RNF146: variants seen among roughly 807,000 people sequenced by gnomAD.
The protein encoded by RNF146 is ring finger protein 146.
A neutral mutation model predicts 29.7 loss-of-function variants in RNF146; 11 were observed. That is an observed-to-expected ratio of 0.37 (90% confidence interval 0.23 to 0.61). The LOEUF is 0.61. RNF146 is among the 20% of genes least tolerant of loss of function. The probability of loss-of-function intolerance (pLI) is 0.66; values close to 1 mark genes in which losing one functional copy is unlikely to be tolerated. For synonymous variants in RNF146, 150 were observed against 159.7 expected (o/e 0.94, Z 0.46); for missense variants, 342 against 438.9 (o/e 0.78, Z 1.97).
chr6:127,286,045 T>C lies in RNF146; in HGVS notation c.3-571T>C. 2.4e-6 allele frequency: 3 copies of C among 1,228,372 alleles called. No homozygotes were observed. The highest frequency in any genetic ancestry group is 3.0e-6 in the Non-Finnish European group (3 of 985,478). The allele number at this position is 1,228,372 out of a possible 1,614,324, so 76.1% of individuals were successfully genotyped here. ...TGACAAATCTTTTTTCTTCTTCCTC[T>C]TCAGGGGATCTTCAATATTCATGTT... On this transcript the variant is annotated intron_variant, in intron 2 of 2. Transcript: ENST00000368314. This position sits in a 1 kb window ranked among gnomAD's most constrained non-coding sequence, Gnocchi z 4.6.
In RNF146 at chr6:127,288,271, G is replaced by C. The variant is rs995011031; in HGVS notation, c.*578G>C. 6.0e-6 allele frequency: 1 copy of C among 166,840 alleles called. No individual in the cohort carries two copies. Among genetic ancestry groups the C allele is most frequent in the African/African-American group, 2.4e-5 (1 of 41,418 alleles). The allele number at this position is 166,840 out of a possible 1,614,324, so 10.3% of individuals were successfully genotyped here. A position where few individuals can be genotyped will look rare whatever the true frequency, so the allele number is the denominator to read the frequency against. ...TCATGGTGTTCCCATAGGCTTTGCTGTCTAGTCTTATAGTTTGAGGTTTTT... is the reference window on the plus strand; with the variant it reads ...TCATGGTGTTCCCATAGGCTTTGCTCTCTAGTCTTATAGTTTGAGGTTTTT... On this transcript the variant is annotated 3_prime_UTR_variant, in exon 3 of 3. Coordinates refer to ENST00000368314, the MANE Select transcript of RNF146 (RefSeq NM_001242850.2).
At position 127,269,975 on chromosome 6, in the gene RNF146, AATTG is replaced by A. The variant is rs1777233507; in HGVS notation, c.-109+3053_-109+3056del. On this transcript the variant is annotated intron_variant, in intron 1 of 2. Coordinates refer to ENST00000368314, the MANE Select transcript of RNF146 (RefSeq NM_001242850.2). Reference sequence around the variant, plus strand: ...ATACAGTAAGTCTTCAAATATTTATAATTGATATTTGTCTTTGTTTTTATATGTA... The same window carrying A: ...ATACAGTAAGTCTTCAAATATTTATAATATTTGTCTTTGTTTTTATATGTA... 1.3e-5 allele frequency among the ~76,000 whole-genome samples: 2 copies of A among 152,116 alleles called. 1 individual carries two copies. The highest frequency in any genetic ancestry group is 4.1e-4 in the South Asian group (2 of 4,830).
In RNF146 at chr6:127,286,290, AT is replaced by A; in HGVS notation, c.3-325del. The stretch of plus-strand genomic sequence containing the variant: ...TGTCTAGCATTCATTTCACTGTATA[AT>A]AGCTGCCATGATTCAAGGTATCCTT... On this transcript the variant is annotated intron_variant, in intron 2 of 2. Transcript: ENST00000368314. This position sits in a 1 kb window ranked among gnomAD's most constrained non-coding sequence, Gnocchi z 4.6. The A allele has an allele frequency of 1.2e-6, 1 of 800,194 alleles. No homozygotes were observed. The highest frequency in any genetic ancestry group is 1.7e-6 in the Non-Finnish European group (1 of 583,186). The allele number at this position is 800,194 out of a possible 1,614,324, so 49.6% of individuals were successfully genotyped here.
At chr6:127,269,660 A>G (rs577022013) in intron 1 of RNF146, among the ~76,000 whole-genome samples, 108 of 152,290 alleles carry the variant, frequency 7.1e-4, no homozygotes, top group African/African-American at 2.6e-3. Context: ...GCTAATTTTT[A>G]GCAGGAGATG....
chr6:127,277,153 T>A (rs1778320464), intron 1 of RNF146, among the ~76,000 whole-genome samples: 1 of 151,928 alleles, frequency 6.6e-6, no homozygotes, highest in Non-Finnish European at 1.5e-5. Context: ...GAGAGCAGTT[T>A]TAGGGGATTA....
rs759088053 is a variant in RNF146, at chr6:127,280,316, C to T, written c.-23C>T. The T allele has an allele frequency of 6.5e-7, 1 of 1,546,734 alleles. No homozygotes were observed. Among genetic ancestry groups the T allele is most frequent in the Admixed American group, 2.0e-5 (1 of 50,850 alleles). On this transcript the variant is annotated 5_prime_UTR_variant, in exon 2 of 3. Transcript: ENST00000368314. ...GAAAATGCTTTATTTTTGTGGCAGG[C>T]ATCTGTGGGATCTGTAATAGAAATG...
intron 2 of RNF146, among the ~76,000 whole-genome samples, chr6:127,280,950 TTC>T (rs989544915): frequency 6.6e-6 from 1 of 151,748 alleles, no homozygotes; most frequent in Non-Finnish European, 1.5e-5. Flanking sequence ...ATGAATATAT[TTC>T]TGTTTTCTAA....
chr6:127,271,027 G>T (rs1271451250), intron 1 of RNF146, among the ~76,000 whole-genome samples: 2 of 152,040 alleles, frequency 1.3e-5, no homozygotes, highest in Non-Finnish European at 2.9e-5. Flanking sequence ...TGTTGGCCAG[G>T]ATGGTATTGA....
At position 127,286,444 on chromosome 6, in the gene RNF146, A is replaced by C. The variant is rs533726393; in HGVS notation, c.3-172A>C. ...TATGTACAAGTAGATGCTTACAAAA[A>C]ATTTTCATCGGTTGGAGAGTTTTTC... On this transcript the variant is annotated intron_variant, in intron 2 of 2. Coordinates refer to ENST00000368314, the MANE Select transcript of RNF146 (RefSeq NM_001242850.2). This position sits in a 1 kb window ranked among gnomAD's most constrained non-coding sequence, Gnocchi z 4.6. 1.3e-4 allele frequency: 102 copies of C among 763,448 alleles called. No individual in the cohort carries two copies. The East Asian group carries it at 2.8e-3, about 21-fold the overall frequency. 47.3% of individuals were successfully genotyped at this position (763,448 alleles called of 1,614,324 possible). A position where few individuals can be genotyped will look rare whatever the true frequency, so the allele number is the denominator to read the frequency against.
intron 2 of RNF146, chr6:127,280,694 C>A: frequency 2.9e-6 from 1 of 345,008 alleles, no homozygotes; most frequent in Non-Finnish European, 4.1e-6. Flanking sequence ...ATAAGACAGA[C>A]TACTAGGTTA....
chr6:127,278,911 G>A (rs760891397), intron 1 of RNF146, among the ~76,000 whole-genome samples: 6 of 151,766 alleles, frequency 4.0e-5, no homozygotes, highest in Non-Finnish European at 7.4e-5. Flanking sequence ...GGATCTTTTT[G>A]TGTGTTTATT....
intron 2 of RNF146, among the ~76,000 whole-genome samples, chr6:127,281,113 C>T (rs72961049): frequency 0.055 from 8,354 of 151,526 alleles, 276 homozygotes; most frequent in South Asian, 0.098. Flanking sequence ...AAAACTCTTG[C>T]TTTCTACTCT....
intron 1 of RNF146, chr6:127,267,226 G>A (rs1409081255): frequency 6.6e-6 from 1 of 152,392 alleles, no homozygotes; most frequent in African/African-American, 2.4e-5. Context: ...GACAGCCCCT[G>A]CGCTGCCCGA....
chr6:127,270,619 G>A (rs1031391931), intron 1 of RNF146, among the ~76,000 whole-genome samples: 28 of 152,034 alleles, frequency 1.8e-4, no homozygotes, highest in Middle Eastern at 3.2e-3. Flanking sequence ...GCCCTATTTT[G>A]TGCCCAGTTG....
At chr6:127,275,647 A>G (rs1298356892) in intron 1 of RNF146, among the ~76,000 whole-genome samples, 2 of 152,138 alleles carry the variant, frequency 1.3e-5, no homozygotes, top group Non-Finnish European at 2.9e-5. Context: ...CGTAATAGAA[A>G]AACATACAAA....
rs779731781 is a variant in RNF146, at chr6:127,287,586, C to A, written c.973C>A (p.Arg325=). Residue 325 remains arginine, a synonymous_variant, in exon 3 of 3, where the codon CGA becomes AGA. Coordinates refer to ENST00000368314, the MANE Select transcript of RNF146 (RefSeq NM_001242850.2). ...VSNANQTVPD[R]SDRSGTDRSV... is the part of the protein sequence containing the mutation. ...TAATGCAAACCAGACAGTACCCGATCGATCAGATCGATCGGGAACTGATCG... is the reference window on the plus strand; with the variant it reads ...TAATGCAAACCAGACAGTACCCGATAGATCAGATCGATCGGGAACTGATCG... 48 of 1,612,324 alleles carry A rather than the reference C, an allele frequency of 3.0e-5. No homozygotes were observed. Among genetic ancestry groups the A allele is most frequent in the Admixed American group, 6.7e-5 (4 of 59,820 alleles).
intron 1 of RNF146, among the ~76,000 whole-genome samples, chr6:127,269,351 A>G (rs2114402288): frequency 1.3e-5 from 2 of 152,346 alleles, no homozygotes; most frequent in South Asian, 4.1e-4. Context: ...AATTTGCCAA[A>G]GAGCTTTCTT....
At chr6:127,277,298 G>A (rs1464696603) in intron 1 of RNF146, among the ~76,000 whole-genome samples, 1 of 152,008 alleles carries the variant, frequency 6.6e-6, no homozygotes, top group Non-Finnish European at 1.5e-5. Flanking sequence ...GTAGGCTGCA[G>A]CAAGGAAATG....
intron 2 of RNF146, chr6:127,285,918 A>G: frequency 1.9e-6 from 1 of 538,884 alleles, no homozygotes; most frequent in Admixed American, 4.5e-5. Context: ...AGTACTTAGT[A>G]TTGTATCTGG....
Sources: gnomAD v4.1 joint callset for allele counts (sites outside exome capture counted in the v4.1 genomes callset) on GRCh38, gnomAD v4.1.1 for gene constraint, Gnocchi (gnomAD v3.1) non-coding constraint, MANE v1.5 for transcripts, NCBI Gene and HGNC (gene_info 2026-07-23, HGNC 2026-07-21) for gene names.